MAGI2: variants seen among roughly 807,000 people sequenced by gnomAD.
MAGI2 encodes membrane associated guanylate kinase, WW and PDZ domain containing 2, also known as membrane-associated guanylate kinase, WW and PDZ domain-containing protein 2.
A neutral mutation model predicts 133.3 loss-of-function variants in MAGI2; 35 were observed. That is an observed-to-expected ratio of 0.26 (90% CI 0.20 to 0.35). The LOEUF (loss-of-function observed/expected upper bound fraction) is 0.35, where lower values mean the gene tolerates loss of function less well. MAGI2 is among the 10% of genes least tolerant of loss of function. The pLI is 1.00. For synonymous variants in MAGI2, 729 were observed against 710.6 expected (o/e 1.03, Z -0.41); for missense variants, 1,636 against 1,863.4 (o/e 0.88, Z 2.25).
chr7:78,895,514 T>G (rs932592255), intron 2 of MAGI2, among the ~76,000 whole-genome samples: 1 of 119,278 alleles, frequency 8.4e-6, no homozygotes, highest in African/African-American at 2.6e-5. Context: ...AATGTTTATG[T>G]AGAGCTTTAA....
At chr7:79,398,891 T>C (rs1425008584) in intron 1 of MAGI2, among the ~76,000 whole-genome samples, 2 of 152,142 alleles carry the variant, frequency 1.3e-5, no homozygotes, top group Non-Finnish European at 2.9e-5. Flanking sequence ...AAACACTTTA[T>C]GAATATAGCT....
rs1345528918 is a variant in MAGI2 at position 79,324,645 on chromosome 7, T to A, written c.301+128375A>T. Among the ~76,000 whole-genome samples, 6 of 26,612 alleles carry A rather than the reference T, an allele frequency of 2.3e-4. 2 individuals carry two copies. 17.5% of individuals were successfully genotyped at this position (26,612 alleles called of 152,430 possible). A position where few individuals can be genotyped will look rare whatever the true frequency, so the allele number is the denominator to read the frequency against. On this transcript the variant is annotated intron_variant, in intron 1 of 21. Transcript: ENST00000354212. ...ATATATATATTATATATATATAAAATATATATATATTATATATATATAAAA... is the reference window on the plus strand; with the variant it reads ...ATATATATATTATATATATATAAAAAATATATATATTATATATATATAAAA...
intron 3 of MAGI2, among the ~76,000 whole-genome samples, chr7:78,542,522 A>G (rs949333102): frequency 1.3e-5 from 2 of 152,204 alleles, no homozygotes; most frequent in African/African-American, 4.8e-5. Flanking sequence ...ACTCCCTTAG[A>G]CAGATTGGGT....
At chr7:78,906,337 C>A (rs557230205) in intron 2 of MAGI2, among the ~76,000 whole-genome samples, 1 of 152,278 alleles carries the variant, frequency 6.6e-6, no homozygotes, top group South Asian at 2.1e-4. Flanking sequence ...CGTTTCATTG[C>A]TTTCGTCTAG....
Position 78,289,126 on chromosome 7 carries a change from A to G in MAGI2, c.1409-32545T>C, listed in dbSNP as rs1211619676. ...ATGACTTTGATGAGTTGGCAGAAGT[A>G]GGCTTCAGATGATCGGTAATAACAA... On this transcript the variant is annotated intron_variant, in intron 9 of 21. Coordinates refer to ENST00000354212, the MANE Select transcript of MAGI2 (RefSeq NM_012301.4). Among the ~76,000 whole-genome samples the G allele has an allele frequency of 2.6e-5, 4 of 152,216 alleles. No individual in the cohort carries two copies. In the East Asian group the frequency reaches 7.7e-4, roughly 29 times the overall value.
At chr7:78,777,890 A>C (rs1031837009) in intron 2 of MAGI2, among the ~76,000 whole-genome samples, 3 of 152,128 alleles carry the variant, frequency 2.0e-5, no homozygotes, top group African/African-American at 4.8e-5. Flanking sequence ...GGACCGCTCT[A>C]GATGATTTCT....
At chr7:78,885,095 G>A (rs1009032395) in intron 2 of MAGI2, among the ~76,000 whole-genome samples, 14 of 152,104 alleles carry the variant, frequency 9.2e-5, no homozygotes, top group South Asian at 2.1e-4. Context: ...ATGAGTGGGA[G>A]CTAAACATTA....
At chr7:78,530,856 T>A (rs573507822) in intron 3 of MAGI2, among the ~76,000 whole-genome samples, 1 of 152,294 alleles carries the variant, frequency 6.6e-6, no homozygotes, top group South Asian at 2.1e-4. Flanking sequence ...ATAGGCTTCA[T>A]AGGCTCCATA....
chr7:78,436,229 T>G (rs1562992059), intron 6 of MAGI2, among the ~76,000 whole-genome samples: 1 of 152,138 alleles, frequency 6.6e-6, no homozygotes, highest in Non-Finnish European at 1.5e-5. Flanking sequence ...GAGCCCTTTT[T>G]TTGTAGGTTC....
At chr7:79,170,924 T>A (rs1045224570) in intron 1 of MAGI2, among the ~76,000 whole-genome samples, 7 of 152,156 alleles carry the variant, frequency 4.6e-5, no homozygotes, top group Non-Finnish European at 8.8e-5. Flanking sequence ...AACATTTATA[T>A]TGTGTTGATT....
intron 1 of MAGI2, among the ~76,000 whole-genome samples, chr7:79,363,633 A>T (rs139197734): frequency 1.8e-3 from 274 of 151,454 alleles, no homozygotes; most frequent in African/African-American, 6.2e-3. Context: ...GTTTTCCTTG[A>T]CATAGGACTA....
intron 6 of MAGI2, among the ~76,000 whole-genome samples, chr7:78,369,768 T>C (rs1008320974): frequency 1.1e-4 from 17 of 152,056 alleles, no homozygotes; most frequent in African/African-American, 4.1e-4. Flanking sequence ...AAATAAGGTA[T>C]AAAATTGTGA....
chr7:79,003,612 T>A (rs975016290), intron 2 of MAGI2, among the ~76,000 whole-genome samples: 1 of 152,210 alleles, frequency 6.6e-6, no homozygotes, highest in Non-Finnish European at 1.5e-5. Context: ...CCATACTCAA[T>A]ACCAACAGAT....
At chr7:78,082,569 C>T (rs1583816565) in intron 20 of MAGI2, among the ~76,000 whole-genome samples, 1 of 152,152 alleles carries the variant, frequency 6.6e-6, no homozygotes, top group African/African-American at 2.4e-5. Flanking sequence ...TTCCCCATTC[C>T]AGGGTATCAG....
chr7:78,575,862 A>C (rs1017248690), intron 3 of MAGI2, among the ~76,000 whole-genome samples: 1 of 152,162 alleles, frequency 6.6e-6, no homozygotes, highest in African/African-American at 2.4e-5. Flanking sequence ...TCCTGGGTGA[A>C]ATTCTGCAAC....
intron 15 of MAGI2, among the ~76,000 whole-genome samples, chr7:78,161,667 T>TAAAAAAA (rs71515391): frequency 3.6e-4 from 25 of 68,896 alleles, no homozygotes; most frequent in East Asian, 1.6e-3. Flanking sequence ...CATCGATACC[T>TAAAAAAA]AAAAAAAAAA....
At chr7:78,798,458 T>C (rs1787793541) in intron 2 of MAGI2, among the ~76,000 whole-genome samples, 1 of 152,184 alleles carries the variant, frequency 6.6e-6, no homozygotes, top group East Asian at 1.9e-4. Flanking sequence ...ATAAATTCAT[T>C]GGTCATGCCT....
At chr7:78,366,080 C>CAATT (rs779932382) in intron 7 of MAGI2, among the ~76,000 whole-genome samples, 2 of 152,056 alleles carry the variant, frequency 1.3e-5, no homozygotes, top group Non-Finnish European at 2.9e-5. Context: ...AGAGTACCTC[C>CAATT]AATTGTATGA....
At chr7:78,976,680 T>A (rs1458966460) in intron 2 of MAGI2, among the ~76,000 whole-genome samples, 1 of 145,672 alleles carries the variant, frequency 6.9e-6, no homozygotes, top group African/African-American at 2.6e-5. Context: ...AACATATGAC[T>A]TTTTTTAAAA....
Sources: allele counts gnomAD v4.1 joint callset (sites outside exome capture counted in the v4.1 genomes callset), GRCh38; gene constraint gnomAD v4.1.1; transcripts MANE v1.5; gene names NCBI Gene and HGNC (gene_info 2026-07-23, HGNC 2026-07-21).